The following CENPF variants were observed in gnomAD, a reference collection of about 807,000 sequenced individuals.
The protein encoded by CENPF is centromere protein F, also known as AH antigen.
A neutral mutation model predicts 307.3 loss-of-function variants in CENPF; 214 were observed. That is an observed-to-expected ratio of 0.70 (90% CI 0.62 to 0.78). The LOEUF (loss-of-function observed/expected upper bound fraction) is 0.78. Ranked by LOEUF, CENPF falls within the 30% of genes least tolerant of loss-of-function variation. CENPF has a pLI of 0.00. For missense variants in CENPF, 3,401 were observed against 3,483.9 expected (o/e 0.98, Z 0.60); for synonymous variants, 1,259 against 1,270.6 (o/e 0.99, Z 0.19).
chr1:214,641,657 C>G lies in CENPF; in HGVS notation c.3319C>G (p.Gln1107Glu). 6.3e-7 allele frequency: 1 copy of G among 1,581,250 alleles called. No homozygotes were observed. The highest frequency in any genetic ancestry group is 1.9e-5 in the Admixed American group (1 of 52,214). ...QNLMLELETV[Q>E]QALRSEMTDN... Reference sequence around the variant, plus strand: ...TCTGATGCTAGAGTTGGAGACAGTGCAGCAAGCTCTGAGATCTGAGATGAC... The same window carrying G: ...TCTGATGCTAGAGTTGGAGACAGTGGAGCAAGCTCTGAGATCTGAGATGAC... The change falls in exon 12 of 20, where the codon CAG (glutamine) becomes GAG (glutamate). Residue 1107 changes from glutamine to glutamate, a missense_variant. By Grantham distance (29) the Gln-to-Glu change is conservative. Coordinates refer to ENST00000366955, the MANE Select transcript of CENPF (RefSeq NM_016343.4).
chr1:214,605,248 G>C (rs1478871092), intron 1 of CENPF, among the ~76,000 whole-genome samples: 1 of 152,160 alleles, frequency 6.6e-6, no homozygotes, highest in Non-Finnish European at 1.5e-5. Context: ...AAGTGAAAAA[G>C]TGTTTTTAAA....
Position 214,646,269 on chromosome 1 carries a change from C to G in CENPF, c.6699C>G (p.Leu2233=), listed in dbSNP as rs149273910. Residue 2233 remains leucine, a synonymous_variant, in exon 13 of 20, where the codon CTC becomes CTG. Transcript: ENST00000366955. ...AGTTGTCAGAACTAGACAAGTTACT[C>G]TCTTCATTTAAAAGTCTGTTAGAAG... ...QGQLSELDKL[L]SSFKSLLEEK... 9 of 1,613,946 alleles carry G rather than the reference C, an allele frequency of 5.6e-6. No homozygotes were observed. In the African/African-American group the frequency reaches 1.1e-4, roughly 19 times the overall value.
At chr1:214,618,950 AT>A (rs1476633986) in intron 4 of CENPF, among the ~76,000 whole-genome samples, 178 bp from the exon 5 acceptor site, 5 of 152,254 alleles carry the variant, frequency 3.3e-5, no homozygotes, top group East Asian at 1.9e-4. Context: ...TAAAACACTT[AT>A]GTTTTTATGT....
chr1:214,622,324 T>C, intron 7 of CENPF, 43 bp downstream of exon 7: 1 of 1,435,982 alleles, frequency 7.0e-7, no homozygotes. Context: ...CTTCATCTTT[T>C]CATACAATTA....
chr1:214,641,702 A>G lies in CENPF; in HGVS notation c.3364A>G (p.Lys1122Glu), dbSNP rs1293713485. 2 of 1,580,612 alleles carry G rather than the reference A, an allele frequency of 1.3e-6. No individual in the cohort carries two copies. The highest frequency in any genetic ancestry group is 8.6e-7 in the Non-Finnish European group (1 of 1,166,804). ...SEMTDNQNNS[K>E]SEAGGLKQEI... ...GATGACAGATAACCAAAACAATTCTAAGAGCGAGGCTGGTGGTTTAAAGCA... is the reference window on the plus strand; with the variant it reads ...GATGACAGATAACCAAAACAATTCTGAGAGCGAGGCTGGTGGTTTAAAGCA... The change falls in exon 12 of 20, where the codon AAG (lysine) becomes GAG (glutamate). Residue 1122 changes from lysine (K) to glutamate (E), a missense_variant. By Grantham distance (56) the Lys-to-Glu change is moderately conservative. Coordinates refer to ENST00000366955, the MANE Select transcript of CENPF (RefSeq NM_016343.4).
chr1:214,653,832 G>A (rs1264405592), intron 16 of CENPF: 1 of 152,168 alleles, frequency 6.6e-6, no homozygotes, highest in Non-Finnish European at 1.5e-5. Flanking sequence ...ATGTTCTGCT[G>A]CTACAAAATG....
Position 214,629,216 on chromosome 1 carries a change from A to G in CENPF, c.1194+45A>G, listed in dbSNP as rs374517695. On this transcript the variant is annotated intron_variant, in intron 8 of 19. Coordinates refer to ENST00000366955, the MANE Select transcript of CENPF (RefSeq NM_016343.4). ...GAGGTGTTTGTCTGAAAGGCTTTTTATGGGCTTTTCATAGTTTGATCACTT... is the reference window on the plus strand; with the variant it reads ...GAGGTGTTTGTCTGAAAGGCTTTTTGTGGGCTTTTCATAGTTTGATCACTT... 90 of 1,510,418 alleles carry G rather than the reference A, an allele frequency of 6.0e-5. No individual in the cohort carries two copies. In the Middle Eastern group the frequency reaches 7.2e-4, roughly 12 times the overall value. 93.6% of individuals were successfully genotyped at this position (1,510,418 alleles called of 1,614,324 possible).
At position 214,645,743 on chromosome 1, in the gene CENPF, T is replaced by C. The variant is rs745934132; in HGVS notation, c.6173T>C (p.Ile2058Thr). 5 of 1,613,966 alleles carry C rather than the reference T, an allele frequency of 3.1e-6. No homozygotes were observed. The highest frequency in any genetic ancestry group is 2.2e-5 in the East Asian group (1 of 44,884). The change falls in exon 13 of 20, where the codon ATT becomes ACT. Residue 2058 changes from isoleucine to threonine, a missense_variant. Coordinates refer to ENST00000366955, the MANE Select transcript of CENPF (RefSeq NM_016343.4). The part of the protein sequence containing the change: ...SLTKCELENQ[I>T]AQLNKEKELL... Reference sequence around the variant, plus strand: ...ACAAAATGTGAGCTGGAAAACCAAATTGCACAACTGAATAAAGAGAAAGAA... The same window carrying C: ...ACAAAATGTGAGCTGGAAAACCAAACTGCACAACTGAATAAAGAGAAAGAA...
intron 7 of CENPF, among the ~76,000 whole-genome samples, chr1:214,623,333 A>C (rs1657567962): frequency 6.6e-6 from 1 of 152,208 alleles, no homozygotes; most frequent in Non-Finnish European, 1.5e-5. Context: ...TATTATAAGT[A>C]ATCTAGAGAT....
At chr1:214,618,799 A>T (rs1290994955) in intron 4 of CENPF, 105 bp downstream of exon 4, 1 of 1,188,840 alleles carries the variant, frequency 8.4e-7, no homozygotes, top group South Asian at 1.6e-5. Context: ...CTTTTAATGT[A>T]TATGTTTAAA....
Position 214,646,791 on chromosome 1 carries a change from A to G in CENPF, c.7221A>G (p.Arg2407=), listed in dbSNP as rs751016695. The change falls in exon 13 of 20, where the codon CGA becomes CGG. Residue 2407 remains arginine (R), a synonymous_variant. Coordinates refer to ENST00000366955, the MANE Select transcript of CENPF (RefSeq NM_016343.4). ...ATGAATTACAAAAAGAGCAAGAGCG[A>G]ATATCTGAATTAGAAATAATAAATT... ...LTNELQKEQE[R]ISELEIINSS... The G allele has an allele frequency of 6.2e-7, 1 of 1,611,490 alleles. No homozygotes were observed. Among genetic ancestry groups the G allele is most frequent in the African/African-American group, 1.3e-5 (1 of 74,730 alleles).
chr1:214,608,895 C>T (rs1329524660), intron 1 of CENPF: 11 of 1,333,212 alleles, frequency 8.3e-6, no homozygotes, highest in Admixed American at 7.4e-5. Flanking sequence ...CAACGCCGCC[C>T]GGCCTGGCCC....
At chr1:214,612,071 C>CT (rs1237768761) in intron 1 of CENPF, among the ~76,000 whole-genome samples, 10 of 152,172 alleles carry the variant, frequency 6.6e-5, no homozygotes, top group African/African-American at 2.4e-4. Flanking sequence ...GGGGGGAATG[C>CT]TTTCAGCTTT....
In CENPF at chr1:214,637,941, G is replaced by C. The variant is rs148373466; in HGVS notation, c.1522G>C (p.Glu508Gln). The change falls in exon 11 of 20, where the codon GAA (glutamate) becomes CAA (glutamine). Residue 508 changes from glutamate to glutamine, a missense_variant. Physicochemically the swap from Glu to Gln is conservative, Grantham distance 29. Coordinates refer to ENST00000366955, the MANE Select transcript of CENPF (RefSeq NM_016343.4). ...CAGAGAAGTCTGCCACCTGGAGGCA[G>C]AACTCAAGAACATCAAACAGTGTTT... ...KAREVCHLEAELKNIKQCLNQ... is the reference protein window; with the variant it reads ...KAREVCHLEAQLKNIKQCLNQ... 6.8e-6 allele frequency: 11 copies of C among 1,613,530 alleles called. No homozygotes were observed. In the African/African-American group the frequency reaches 1.5e-4, roughly 22 times the overall value.
intron 7 of CENPF, among the ~76,000 whole-genome samples, chr1:214,625,490 G>C (rs1316496373): frequency 1.3e-5 from 2 of 152,066 alleles, no homozygotes; most frequent in Non-Finnish European, 2.9e-5. Context: ...CAAAGTGTTG[G>C]GATTACAGAC....
At position 214,643,053 on chromosome 1, in the gene CENPF, G is replaced by C. The variant is rs930871685; in HGVS notation, c.4715G>C (p.Ser1572Thr). 6.2e-7 allele frequency: 1 copy of C among 1,611,030 alleles called. No homozygotes were observed. The highest frequency in any genetic ancestry group is 1.3e-5 in the African/African-American group (1 of 74,390). ...GAGAAGCTAGAAGAGAAAATGGAAA[G>C]TCAAGGGATTATGAAAAATAAGGAA... is the stretch of plus-strand genomic sequence containing the variant. ...SLEKLEEKME[S>T]QGIMKNKEIQ... Residue 1572 changes from serine (S) to threonine (T), a missense_variant, in exon 12 of 20, where the codon AGT becomes ACT. Transcript: ENST00000366955.
chr1:214,611,756 G>A (rs1160051479), intron 1 of CENPF, among the ~76,000 whole-genome samples: 1 of 152,200 alleles, frequency 6.6e-6, no homozygotes, highest in Non-Finnish European at 1.5e-5. Flanking sequence ...GAATGAGATT[G>A]CATTTTTGAT....
chr1:214,620,886 A>T lies in CENPF; in HGVS notation c.805A>T (p.Ser269Cys). 6.2e-7 allele frequency: 1 copy of T among 1,614,084 alleles called. No individual in the cohort carries two copies. The highest frequency in any genetic ancestry group is 1.3e-5 in the African/African-American group (1 of 75,056). ...LQIGKRDANS[S>C]FFDNSSSPHL... ...AATAGGGAAAAGAGATGCTAATAGC[A>T]GTTTCTTTGACAATTCTAGCAGTCC... is the stretch of plus-strand genomic sequence containing the variant. The change falls in exon 6 of 20, where the codon AGT becomes TGT. Residue 269 changes from serine (S) to cysteine (C), a missense_variant. Ser to Cys is a moderately radical substitution (Grantham distance 112). Coordinates refer to ENST00000366955, the MANE Select transcript of CENPF (RefSeq NM_016343.4).
rs74557452 is a variant in CENPF at position 214,658,968 on chromosome 1, C to T, written c.9081C>T (p.Leu3027=). 4,225 of 1,614,056 alleles carry T rather than the reference C, an allele frequency of 2.6e-3. 92 individuals carry two copies. The African/African-American group carries it at 0.046, about 18-fold the overall frequency. Residue 3027 remains leucine, a synonymous_variant, in exon 19 of 20, where the codon CTC becomes CTT. Transcript: ENST00000366955. ...AGTTAGCGCTATCCCCACTGAGTCT[C>T]GGCAAAGAAAATCTTGCAGAGTCCT... ...AQKLALSPLS[L]GKENLAESSK...
Sources: allele counts gnomAD v4.1 joint callset (sites outside exome capture counted in the v4.1 genomes callset), GRCh38; gene constraint gnomAD v4.1.1; transcripts MANE v1.5; gene names NCBI Gene and HGNC (gene_info 2026-07-23, HGNC 2026-07-21).